The following MTSS1 variants were observed in gnomAD, a reference collection of about 807,000 sequenced individuals.
MTSS1 encodes MTSS I-BAR domain containing 1.
MTSS1 carries 18 observed loss-of-function variants against 79.0 expected under a neutral mutation model. That is an observed-to-expected ratio of 0.23 (90% confidence interval 0.16 to 0.34). The LOEUF is 0.34. MTSS1 is among the 10% of genes least tolerant of loss of function. MTSS1 has a pLI of 1.00. For missense variants in MTSS1, 815 were observed against 986.2 expected, an observed-to-expected ratio of 0.83 and a Z score of 2.33; for synonymous variants, 341 against 368.6, an observed-to-expected ratio of 0.93 and a Z score of 0.86.
chr8:124,699,550 C>A lies in MTSS1; in HGVS notation c.184G>T (p.Ala62Ser), dbSNP rs1302081445. Residue 62 changes from alanine to serine, a missense_variant, in exon 3 of 14, where the codon GCT becomes TCT. By Grantham distance (99) the Ala-to-Ser change is moderately conservative (BLOSUM62 1). Transcript: ENST00000518547. ...CCACGTGTGTTGGTGGCCATGTCAG[C>A]CACTTTCTGAAAGGCGTCCAAGAAG... ...AAFLDAFQKV[A>S]DMATNTRGGT... is the part of the protein sequence containing the mutation. 3 of 1,614,048 alleles carry A rather than the reference C, an allele frequency of 1.9e-6. No homozygotes were observed. Among genetic ancestry groups the A allele is most frequent in the Non-Finnish European group, 2.5e-6 (3 of 1,180,030 alleles).
intron 1 of MTSS1, among the ~76,000 whole-genome samples, chr8:124,715,192 C>A (rs1831752811): frequency 6.6e-6 from 1 of 152,176 alleles, no homozygotes; most frequent in South Asian, 2.1e-4. Context: ...GGATTAGTTC[C>A]TCTTGGGGCC....
chr8:124,697,632 T>C (rs1158873396), intron 3 of MTSS1, among the ~76,000 whole-genome samples: 1 of 151,696 alleles, frequency 6.6e-6, no homozygotes, highest in African/African-American at 2.4e-5. Flanking sequence ...GATAAAAATA[T>C]GGCTGCCAAG....
At chr8:124,674,713 G>A (rs1434560768) in intron 3 of MTSS1, among the ~76,000 whole-genome samples, 1 of 151,970 alleles carries the variant, frequency 6.6e-6, no homozygotes, top group Non-Finnish European at 1.5e-5. Context: ...ATCCTATGAG[G>A]TAAGTCCTCT....
intron 3 of MTSS1, among the ~76,000 whole-genome samples, chr8:124,674,163 C>T (rs1237365564): frequency 6.6e-6 from 1 of 152,084 alleles, no homozygotes; most frequent in Non-Finnish European, 1.5e-5. Flanking sequence ...TGGAGCCTCA[C>T]TCGGTCGCCC....
At chr8:124,579,646 A>C (rs953083897) in intron 6 of MTSS1, 1 of 152,220 alleles carries the variant, frequency 6.6e-6, no homozygotes. Context: ...GATCCTTTTT[A>C]AAGTTGGGGA....
chr8:124,650,205 ATT>A (rs1819703595), intron 3 of MTSS1, among the ~76,000 whole-genome samples: 2 of 151,952 alleles, frequency 1.3e-5, no homozygotes, highest in Non-Finnish European at 2.9e-5. Flanking sequence ...TAATTTTTGT[ATT>A]TTTAGTAGAG....
chr8:124,660,024 G>A (rs1376185311), intron 3 of MTSS1, among the ~76,000 whole-genome samples: 1 of 152,130 alleles, frequency 6.6e-6, no homozygotes, highest in African/African-American at 2.4e-5. Flanking sequence ...ATTAGAAGCA[G>A]TCTCTTTTCA....
Position 124,555,949 on chromosome 8 carries a change from GGC to G in MTSS1, c.1405-47_1405-46del, listed in dbSNP as rs1491272897. On this transcript the variant is annotated intron_variant, in intron 12 of 13. Coordinates refer to ENST00000518547, the MANE Select transcript of MTSS1 (RefSeq NM_014751.6). ...AATACACAGGTTGCTTTAGGGGGGG[GGC>G]TCAACAGCACTCCTGTTCTGCCCCC... 3 of 1,470,540 alleles carry G rather than the reference GGC, an allele frequency of 2.0e-6. No homozygotes were observed. In the Admixed American group the frequency reaches 5.4e-5, roughly 26 times the overall value. 91.1% of individuals were successfully genotyped at this position (1,470,540 alleles called of 1,614,324 possible).
At chr8:124,711,967 C>T (rs1254466576) in intron 1 of MTSS1, among the ~76,000 whole-genome samples, 1 of 150,726 alleles carries the variant, frequency 6.6e-6, no homozygotes, top group East Asian at 1.9e-4. Flanking sequence ...GAGATCACGC[C>T]ACTGCACTCC....
At chr8:124,712,852 G>C (rs1831370579) in intron 1 of MTSS1, among the ~76,000 whole-genome samples, 2 of 151,938 alleles carry the variant, frequency 1.3e-5, no homozygotes, top group African/African-American at 4.8e-5. Context: ...CTTACAAACT[G>C]CTCCATTTGT....
At chr8:124,695,802 GA>G (rs1828710807) in intron 3 of MTSS1, among the ~76,000 whole-genome samples, 1 of 149,676 alleles carries the variant, frequency 6.7e-6, no homozygotes, top group African/African-American at 2.5e-5. Context: ...GCTACCTTCT[GA>G]AAAAGGTCAC....
At position 124,555,728 on chromosome 8, in the gene MTSS1, A is replaced by C; in HGVS notation, c.1567+14T>G. 1 of 1,596,004 alleles carries C rather than the reference A, an allele frequency of 6.3e-7. No homozygotes were observed. The highest frequency in any genetic ancestry group is 8.5e-7 in the Non-Finnish European group (1 of 1,171,152). On this transcript the variant is annotated intron_variant, in intron 13 of 13. Coordinates refer to ENST00000518547, the MANE Select transcript of MTSS1 (RefSeq NM_014751.6). ...CTCAGAAAGCCTAAGTGCACACCCC[A>C]GGCTGCCTCGTACCTTGGGAAGGGA...
At chr8:124,709,830 G>A (rs1387958597) in intron 1 of MTSS1, among the ~76,000 whole-genome samples, 1 of 152,158 alleles carries the variant, frequency 6.6e-6, no homozygotes, top group Non-Finnish European at 1.5e-5. Flanking sequence ...GGGGGATTCA[G>A]CAATATTGAA....
intron 10 of MTSS1, among the ~76,000 whole-genome samples, chr8:124,559,228 C>A (rs939294245): frequency 2.7e-4 from 41 of 152,150 alleles, no homozygotes; most frequent in African/African-American, 9.2e-4. Context: ...AGGCCCAGGT[C>A]CCCAGGGAGG....
intron 3 of MTSS1, among the ~76,000 whole-genome samples, chr8:124,623,134 C>G (rs1813939069): frequency 6.6e-6 from 1 of 152,250 alleles, no homozygotes; most frequent in South Asian, 2.1e-4. Flanking sequence ...TAAGAAGTCT[C>G]CCACAAGCCT....
intron 1 of MTSS1, among the ~76,000 whole-genome samples, chr8:124,714,347 A>G (rs1278309431): frequency 6.6e-6 from 1 of 152,232 alleles, no homozygotes; most frequent in Non-Finnish European, 1.5e-5. Flanking sequence ...GCACAGAAAG[A>G]GTAAGTAATT....
intron 3 of MTSS1, among the ~76,000 whole-genome samples, chr8:124,627,126 A>T (rs1005587081): frequency 9.9e-5 from 15 of 151,940 alleles, no homozygotes; most frequent in Admixed American, 6.6e-5. Flanking sequence ...TCAAAAGAGA[A>T]GGTAAGGCTG....
rs568386735 is a variant in MTSS1, at chr8:124,611,069, G to A, written c.209-19834C>T. Among the ~76,000 whole-genome samples the A allele has an allele frequency of 4.7e-5, 7 of 149,902 alleles. No homozygotes were observed. In the South Asian group the frequency reaches 6.3e-4, roughly 13 times the overall value. On this transcript the variant is annotated intron_variant, in intron 3 of 13. Coordinates refer to ENST00000518547, the MANE Select transcript of MTSS1 (RefSeq NM_014751.6). ...TCCACATGCTGTAGAAACAGTGCAC[G>A]TGCCTGAGTACACATGTGCACAAAC...
chr8:124,687,059 C>T (rs1215844691), intron 3 of MTSS1, among the ~76,000 whole-genome samples: 1 of 152,196 alleles, frequency 6.6e-6, no homozygotes, highest in Non-Finnish European at 1.5e-5. Context: ...GACCCACAGT[C>T]AATGCTCAAG....
Sources: allele counts gnomAD v4.1 joint callset (sites outside exome capture counted in the v4.1 genomes callset), GRCh38; gene constraint gnomAD v4.1.1; transcripts MANE v1.5; gene names NCBI Gene and HGNC (gene_info 2026-07-23, HGNC 2026-07-21).